ATG10: variants seen among roughly 807,000 people sequenced by gnomAD.
ATG10 encodes the protein ubiquitin-like-conjugating enzyme ATG10.
In ATG10, 30 loss-of-function variants were observed where a neutral mutation model predicts 32.1. The ratio of observed to expected loss-of-function variants is 0.94; its 90% confidence interval spans 0.70 to 1.27. The LOEUF (loss-of-function observed/expected upper bound fraction) is 1.27. ATG10 is among the 50% of genes most tolerant of loss of function. The pLI is 0.00. For synonymous variants in ATG10, 87 were observed against 91.5 expected (o/e 0.95, Z 0.28); for missense variants, 233 against 262.3 (o/e 0.89, Z 0.77).
At chr5:82,018,222 C>A (rs117147651) in intron 2 of ATG10, among the ~76,000 whole-genome samples, 1 of 152,334 alleles carries the variant, frequency 6.6e-6, no homozygotes, top group East Asian at 1.9e-4. Flanking sequence ...CTCCATCCTT[C>A]CAGTTGCTCA....
chr5:82,058,977 A>G (rs541939479), intron 3 of ATG10, among the ~76,000 whole-genome samples: 3 of 152,222 alleles, frequency 2.0e-5, no homozygotes, highest in South Asian at 2.1e-4. Flanking sequence ...TCTGTTGTCT[A>G]TTGATTTTTT....
chr5:82,197,768 A>ATCTG (rs1378722085), intron 5 of ATG10, among the ~76,000 whole-genome samples: 3 of 144,924 alleles, frequency 2.1e-5, no homozygotes, highest in Non-Finnish European at 3.0e-5. Flanking sequence ...CTATCTATCT[A>ATCTG]TCTATCTCTA....
At chr5:82,199,338 G>C (rs886620441) in intron 5 of ATG10, among the ~76,000 whole-genome samples, 1 of 151,924 alleles carries the variant, frequency 6.6e-6, no homozygotes, top group African/African-American at 2.4e-5. Context: ...CCCAAGTCTT[G>C]ACAGCTAACT....
chr5:81,988,260 C>G (rs1400985648), intron 2 of ATG10, among the ~76,000 whole-genome samples: 14 of 152,168 alleles, frequency 9.2e-5, no homozygotes, highest in Admixed American at 9.2e-4. Context: ...CCTCAGCCTC[C>G]CTAGTAGCTG....
chr5:82,104,445 A>T (rs324910), intron 3 of ATG10, among the ~76,000 whole-genome samples: 10 of 151,172 alleles, frequency 6.6e-5, no homozygotes, highest in Non-Finnish European at 8.9e-5. Context: ...TTTTTTTTTC[A>T]GTTTTAGATG....
At chr5:82,097,920 A>G (rs932149824) in intron 3 of ATG10, among the ~76,000 whole-genome samples, 4 of 152,216 alleles carry the variant, frequency 2.6e-5, no homozygotes, top group Non-Finnish European at 5.9e-5. Context: ...TTTTAACAAC[A>G]ACAAAAAACG....
intron 5 of ATG10, among the ~76,000 whole-genome samples, chr5:82,228,258 TATA>T: frequency 6.6e-6 from 1 of 152,192 alleles, no homozygotes; most frequent in South Asian, 2.1e-4. Context: ...ATCAATACTA[TATA>T]ATGCCATTAA....
intron 5 of ATG10, among the ~76,000 whole-genome samples, chr5:82,250,140 C>G (rs1747195558): frequency 6.6e-6 from 1 of 152,126 alleles, no homozygotes; most frequent in Non-Finnish European, 1.5e-5. Context: ...TTTTAAATCC[C>G]AGCTTTCTAA....
intron 3 of ATG10, among the ~76,000 whole-genome samples, chr5:82,079,918 C>G (rs1443837547): frequency 1.3e-5 from 2 of 152,168 alleles, no homozygotes; most frequent in Non-Finnish European, 2.9e-5. Flanking sequence ...ATTTCTAGTT[C>G]TAGATCCTTG....
intron 3 of ATG10, among the ~76,000 whole-genome samples, chr5:82,118,996 C>T (rs1226391914): frequency 6.6e-6 from 1 of 152,074 alleles, no homozygotes; most frequent in Non-Finnish European, 1.5e-5. Flanking sequence ...TTTAGGAAGA[C>T]CAGAGATTTC....
At chr5:81,983,684 G>A (rs1220726836) in intron 1 of ATG10, among the ~76,000 whole-genome samples, 1 of 151,724 alleles carries the variant, frequency 6.6e-6, no homozygotes, top group Non-Finnish European at 1.5e-5. Flanking sequence ...CTGCCGGGCG[G>A]AGACGCTCCT....
intron 3 of ATG10, among the ~76,000 whole-genome samples, chr5:82,158,751 C>A (rs557610840): frequency 6.6e-6 from 1 of 152,132 alleles, no homozygotes; most frequent in East Asian, 1.9e-4. Context: ...TATTAACTAA[C>A]TCAAAGTGTT....
chr5:82,236,311 ATTTTGCATATC>A (rs1321907853), intron 5 of ATG10, among the ~76,000 whole-genome samples: 3 of 152,020 alleles, frequency 2.0e-5, no homozygotes, highest in Admixed American at 2.0e-4. Context: ...TGCATTTTCC[ATTTTGCATATC>A]AAAATACAGA....
intron 1 of ATG10, among the ~76,000 whole-genome samples, chr5:81,981,518 A>C (rs1038221716): frequency 2.0e-5 from 3 of 152,204 alleles, no homozygotes; most frequent in African/African-American, 7.2e-5. Context: ...TTTTTTAAAA[A>C]AGAGTCTACA....
chr5:82,005,620 A>G (rs534148777), intron 2 of ATG10, among the ~76,000 whole-genome samples: 1 of 152,310 alleles, frequency 6.6e-6, no homozygotes, highest in Non-Finnish European at 1.5e-5. Flanking sequence ...GATTTGTGCA[A>G]CATTGAAACT....
chr5:82,145,750 A>C (rs1767326655), intron 3 of ATG10, among the ~76,000 whole-genome samples: 1 of 151,010 alleles, frequency 6.6e-6, no homozygotes, highest in South Asian at 2.1e-4. Flanking sequence ...TCTGTTGCCC[A>C]AGCTGGAGTG....
At chr5:82,198,449 G>T (rs183519160) in intron 5 of ATG10, among the ~76,000 whole-genome samples, 3 of 152,248 alleles carry the variant, frequency 2.0e-5, no homozygotes, top group Admixed American at 2.0e-4. Context: ...TTTTAATAGA[G>T]AGATGGGGTT....
chr5:82,133,382 C>T (rs992537813), intron 3 of ATG10, among the ~76,000 whole-genome samples: 14 of 150,716 alleles, frequency 9.3e-5, no homozygotes, highest in East Asian at 2.0e-4. Flanking sequence ...CTTTAGTCCA[C>T]CTTGAGTTAA....
chr5:82,096,727 C>T (rs534421467), intron 3 of ATG10, among the ~76,000 whole-genome samples: 14 of 152,190 alleles, frequency 9.2e-5, no homozygotes, highest in African/African-American at 3.4e-4. Flanking sequence ...AGCATTTCAT[C>T]CTAAAGCGAA....
Sources: allele counts gnomAD v4.1 joint callset (sites outside exome capture counted in the v4.1 genomes callset), GRCh38; gene constraint gnomAD v4.1.1; transcripts MANE v1.5; gene names NCBI Gene and HGNC (gene_info 2026-07-23, HGNC 2026-07-21).